The following DLG2 variants were observed in gnomAD, a reference collection of about 807,000 sequenced individuals.
DLG2 encodes the protein discs large MAGUK scaffold protein 2, also known as disks large homolog 2.
DLG2 carries 45 observed loss-of-function variants against 132.5 expected under a neutral mutation model. The ratio of observed to expected loss-of-function variants is 0.34; its 90% CI spans 0.27 to 0.44. The LOEUF is 0.44. Among genes scored for constraint, DLG2 ranks in the 20% least tolerant of loss-of-function variants. The probability of loss-of-function intolerance (pLI) is 1.00; values close to 1 mark genes in which losing one functional copy is unlikely to be tolerated. For synonymous variants in DLG2, 424 were observed against 419.6 expected, an observed-to-expected ratio of 1.01 and a Z score of -0.13; for missense variants, 1,045 against 1,196.9, an observed-to-expected ratio of 0.87 and a Z score of 1.87.
At chr11:84,833,524 C>T (rs2079307482) in intron 6 of DLG2, among the ~76,000 whole-genome samples, 1 of 151,434 alleles carries the variant, frequency 6.6e-6, no homozygotes, top group Admixed American at 6.6e-5. Flanking sequence ...TGGGTTTTCA[C>T]ATTGACATCA....
At chr11:84,310,423 T>C (rs902729121) in intron 7 of DLG2, among the ~76,000 whole-genome samples, 1 of 152,216 alleles carries the variant, frequency 6.6e-6, no homozygotes, top group Non-Finnish European at 1.5e-5. Context: ...CCTAGCACAG[T>C]GTCTCACACA....
intron 4 of DLG2, among the ~76,000 whole-genome samples, chr11:85,262,810 T>C (rs182307512): frequency 7.6e-4 from 116 of 152,304 alleles, no homozygotes; most frequent in African/African-American, 2.8e-3. Context: ...TCTTTCCCAG[T>C]TCATCTGCAT....
chr11:84,186,401 A>G (rs2096277118), intron 8 of DLG2, among the ~76,000 whole-genome samples: 1 of 152,042 alleles, frequency 6.6e-6, no homozygotes, highest in Non-Finnish European at 1.5e-5. Context: ...GAGCGGCTAT[A>G]CTGATATTAG....
chr11:83,713,805 G>C (rs1463757898), intron 18 of DLG2, among the ~76,000 whole-genome samples: 1 of 152,228 alleles, frequency 6.6e-6, no homozygotes, highest in Non-Finnish European at 1.5e-5. Flanking sequence ...TCAACTGCTG[G>C]CTGCATTTCA....
At chr11:84,891,778 G>A (rs1316033594) in intron 6 of DLG2, among the ~76,000 whole-genome samples, 1 of 152,136 alleles carries the variant, frequency 6.6e-6, no homozygotes, top group African/African-American at 2.4e-5. Context: ...CAAAAGCCAT[G>A]TCTAAGCATC....
At chr11:84,913,012 G>T (rs2092214535) in intron 6 of DLG2, among the ~76,000 whole-genome samples, 1 of 152,158 alleles carries the variant, frequency 6.6e-6, no homozygotes, top group South Asian at 2.1e-4. Context: ...GAGAAAAAAT[G>T]AGAGCCTCCA....
At chr11:83,476,097 A>T (rs74329710) in intron 22 of DLG2, among the ~76,000 whole-genome samples, 6,320 of 152,164 alleles carry the variant, frequency 0.042, 154 homozygotes, top group South Asian at 0.12. Context: ...GGAAACTAGA[A>T]AACAGAGATG....
intron 6 of DLG2, among the ~76,000 whole-genome samples, chr11:84,998,976 T>C (rs1286203806): frequency 6.7e-6 from 1 of 149,640 alleles, no homozygotes; most frequent in Non-Finnish European, 1.5e-5. Flanking sequence ...ATTACAATTA[T>C]ATATATATAT....
Position 85,481,291 on chromosome 11 carries a change from G to A in DLG2, c.40+117366C>T, listed in dbSNP as rs373247756. ...TAAAAGTGTTATTGAGTATCAGCAA[G>A]ATGGCAGAATAGGGCTCTCTAATGC... On this transcript the variant is annotated intron_variant, in intron 3 of 27. Transcript: ENST00000376104. Among the ~76,000 whole-genome samples the A allele has an allele frequency of 3.3e-5, 5 of 152,258 alleles. No homozygotes were observed. The South Asian group carries it at 6.2e-4, about 19-fold the overall frequency.
intron 2 of DLG2, among the ~76,000 whole-genome samples, chr11:85,606,249 A>G (rs763462306): frequency 3.9e-5 from 6 of 152,212 alleles, no homozygotes; most frequent in Non-Finnish European, 5.9e-5. Context: ...TCACAATTTT[A>G]TCATTACTTA....
At chr11:83,974,721 A>G (rs1007238644) in intron 12 of DLG2, among the ~76,000 whole-genome samples, 4 of 152,052 alleles carry the variant, frequency 2.6e-5, no homozygotes, top group Non-Finnish European at 5.9e-5. Flanking sequence ...TAATGCTACT[A>G]TGGTACAGAG....
intron 7 of DLG2, among the ~76,000 whole-genome samples, chr11:84,432,654 C>T (rs567263): frequency 0.38 from 58,341 of 152,076 alleles, 16,820 homozygotes; most frequent in African/African-American, 0.81. Context: ...AGTTTATCCT[C>T]CATTTTAGTT....
intron 11 of DLG2, among the ~76,000 whole-genome samples, chr11:84,050,542 T>G (rs2096351584): frequency 6.6e-6 from 1 of 152,038 alleles, no homozygotes; most frequent in Non-Finnish European, 1.5e-5. Context: ...ATTTGTCAAT[T>G]TTGACTTTTG....
intron 3 of DLG2, among the ~76,000 whole-genome samples, chr11:85,545,223 C>G (rs1270550699): frequency 9.2e-5 from 14 of 152,056 alleles, no homozygotes; most frequent in Admixed American, 9.2e-4. Flanking sequence ...TGTCAAAGGC[C>G]TTTTCTGCAT....
intron 6 of DLG2, among the ~76,000 whole-genome samples, chr11:84,848,784 A>T (rs1010120766): frequency 6.6e-6 from 1 of 152,166 alleles, no homozygotes; most frequent in Non-Finnish European, 1.5e-5. Flanking sequence ...TGTGGAAGGG[A>T]CATGGGTCAC....
At chr11:83,941,821 A>G (rs989380635) in intron 14 of DLG2, among the ~76,000 whole-genome samples, 4 of 152,232 alleles carry the variant, frequency 2.6e-5, no homozygotes, top group African/African-American at 9.6e-5. Flanking sequence ...ATGCAGATAG[A>G]TAATTTTAAA....
chr11:85,446,164 A>G (rs1355387516), intron 3 of DLG2, among the ~76,000 whole-genome samples: 1 of 152,224 alleles, frequency 6.6e-6, no homozygotes, highest in Non-Finnish European at 1.5e-5. Flanking sequence ...TCAAAGTGAG[A>G]CACATTAAGG....
At chr11:84,462,264 A>T (rs898132548) in intron 7 of DLG2, among the ~76,000 whole-genome samples, 1 of 151,124 alleles carries the variant, frequency 6.6e-6, no homozygotes, top group African/African-American at 2.4e-5. Flanking sequence ...AACAATTTAC[A>T]ATCTTCCTGG....
In DLG2 at chr11:84,545,220, A is replaced by T. The variant is rs1315670574; in HGVS notation, c.358-10489T>A. On this transcript the variant is annotated intron_variant, in intron 6 of 27. Coordinates refer to ENST00000376104, the MANE Select transcript of DLG2 (RefSeq NM_001142699.3). ...ATGGTTTGGCAAAGGATTGTCCTTCATCACCAGAGGGGCTGGAGCTTCTGC... is the reference window on the plus strand; with the variant it reads ...ATGGTTTGGCAAAGGATTGTCCTTCTTCACCAGAGGGGCTGGAGCTTCTGC... 3 of 464,102 alleles carry T rather than the reference A, an allele frequency of 6.5e-6. No homozygotes were observed. In the Admixed American group the frequency reaches 6.9e-5, roughly 11 times the overall value. The allele number at this position is 464,102 out of a possible 1,614,324, so 28.7% of individuals were successfully genotyped here.
Sources: gnomAD v4.1 joint callset for allele counts (sites outside exome capture counted in the v4.1 genomes callset) on GRCh38, gnomAD v4.1.1 for gene constraint, MANE v1.5 for transcripts, NCBI Gene and HGNC (gene_info 2026-07-23, HGNC 2026-07-21) for gene names.